The following CEP112 variants were observed in gnomAD, a reference collection of about 807,000 sequenced individuals.
CEP112 encodes the protein centrosomal protein of 112 kDa.
In CEP112, 127 loss-of-function variants were observed where a neutral mutation model predicts 153.0. That is an observed-to-expected ratio of 0.83 (90% CI 0.72 to 0.96). CEP112 has a LOEUF of 0.96. CEP112 is among the 40% of genes least tolerant of loss of function. The pLI is 0.00. For missense variants in CEP112, 1,089 were observed against 1,101.2 expected (o/e 0.99, Z 0.16); for synonymous variants, 358 against 374.4 (o/e 0.96, Z 0.51).
intron 19 of CEP112, among the ~76,000 whole-genome samples, chr17:65,922,058 G>C (rs2060750896): frequency 6.6e-6 from 1 of 152,084 alleles, no homozygotes; most frequent in Non-Finnish European, 1.5e-5. Flanking sequence ...GGTAGAATCT[G>C]CCAAAATCCT....
intron 1 of CEP112, among the ~76,000 whole-genome samples, chr17:66,190,926 C>G (rs753406195): frequency 1.3e-5 from 2 of 152,122 alleles, no homozygotes; most frequent in Non-Finnish European, 2.9e-5. Flanking sequence ...TTTGTTCAAT[C>G]AAATCATATT....
At chr17:65,922,122 A>G (rs1331272983) in intron 19 of CEP112, among the ~76,000 whole-genome samples, 1 of 152,056 alleles carries the variant, frequency 6.6e-6, no homozygotes, top group Non-Finnish European at 1.5e-5. Context: ...ATTTCACTAA[A>G]CTTTTACCGA....
chr17:66,067,458 T>C (rs2146057203), intron 9 of CEP112, among the ~76,000 whole-genome samples: 1 of 152,320 alleles, frequency 6.6e-6, no homozygotes, highest in South Asian at 2.1e-4. Context: ...TTCTTATACT[T>C]ACGATATCTA....
intron 2 of CEP112, among the ~76,000 whole-genome samples, chr17:66,178,775 T>C (rs556243267): frequency 3.9e-4 from 59 of 152,056 alleles, no homozygotes; most frequent in South Asian, 2.1e-3. Context: ...TATACGGATA[T>C]TGAAAACTTG....
At chr17:66,113,004 C>T (rs946795536) in intron 6 of CEP112, among the ~76,000 whole-genome samples, 2 of 151,404 alleles carry the variant, frequency 1.3e-5, no homozygotes, top group South Asian at 4.2e-4. Flanking sequence ...GGGAGGTAGA[C>T]GTTGCAGTGA....
chr17:65,761,062 C>G (rs554576046), intron 21 of CEP112, among the ~76,000 whole-genome samples: 2 of 151,970 alleles, frequency 1.3e-5, no homozygotes, highest in Non-Finnish European at 2.9e-5. Flanking sequence ...ATAATCCTTA[C>G]AATACTCGTG....
chr17:66,185,060 C>G (rs1266592899), intron 1 of CEP112, among the ~76,000 whole-genome samples: 7 of 152,104 alleles, frequency 4.6e-5, no homozygotes, highest in Non-Finnish European at 1.0e-4. Context: ...ATCAGCAGCT[C>G]ATGGGGATAG....
At chr17:65,739,694 C>A (rs184565932) in intron 23 of CEP112, among the ~76,000 whole-genome samples, 117 of 152,164 alleles carry the variant, frequency 7.7e-4, no homozygotes, top group Admixed American at 2.0e-3. Flanking sequence ...TGAGATCGTG[C>A]CACTGCACTC....
chr17:66,096,284 AT>A lies in CEP112; in HGVS notation c.734del (p.Asp245ValfsTer15), dbSNP rs2068341094. The A allele has an allele frequency of 6.2e-7, 1 of 1,613,262 alleles. No homozygotes were observed. The highest frequency in any genetic ancestry group is 1.1e-5 in the South Asian group (1 of 90,970). Reference protein sequence around the residue: ...FSLRKSSSFHDDHFLSRIREK... With the variant: ...FSLRKSSSFHXDHFLSRIREK... Reference sequence around the variant, plus strand: ...CACGTATTCGAGAGAGAAAATGATCATCATGGAAACTGCTGGATTTTCTCAG... The same window carrying A: ...CACGTATTCGAGAGAGAAAATGATCACATGGAAACTGCTGGATTTTCTCAG... On this transcript the variant is annotated frameshift_variant, in exon 8 of 27. Coordinates refer to ENST00000535342, the MANE Select transcript of CEP112 (RefSeq NM_001199165.4). LOFTEE classifies it high-confidence loss of function.
At chr17:65,684,113 C>T (rs1377369632) in intron 24 of CEP112, among the ~76,000 whole-genome samples, 1 of 152,106 alleles carries the variant, frequency 6.6e-6, no homozygotes, top group African/African-American at 2.4e-5. Context: ...ATACACATCC[C>T]ATTTACTCTA....
Position 66,096,582 on chromosome 17 carries a change from T to C in CEP112, c.690+3A>G. 6.3e-7 allele frequency: 1 copy of C among 1,585,948 alleles called. No homozygotes were observed. The highest frequency in any genetic ancestry group is 8.6e-7 in the Non-Finnish European group (1 of 1,158,490). On this transcript the variant is annotated splice_donor_region_variant and intron_variant, in intron 7 of 26. Coordinates refer to ENST00000535342, the MANE Select transcript of CEP112 (RefSeq NM_001199165.4). ...GAAAAAGTCCAATGGATTTCTCACA[T>C]ACCAGAGAAACTGGGATAGGCTTCT... is the stretch of plus-strand genomic sequence containing the variant.
At chr17:66,111,817 C>T (rs747538117) in intron 6 of CEP112, among the ~76,000 whole-genome samples, 6 of 151,954 alleles carry the variant, frequency 3.9e-5, no homozygotes, top group Non-Finnish European at 7.4e-5. Context: ...TTCACAGGTA[C>T]CCCCAAACCT....
At chr17:66,189,126 T>TA (rs1887379225) in intron 1 of CEP112, among the ~76,000 whole-genome samples, 1 of 152,318 alleles carries the variant, frequency 6.6e-6, no homozygotes, top group African/African-American at 2.4e-5. Context: ...AAGCTCAGAT[T>TA]AAAATTCTGA....
intron 21 of CEP112, among the ~76,000 whole-genome samples, chr17:65,843,192 A>G (rs1479103881): frequency 3.9e-5 from 6 of 152,128 alleles, no homozygotes; most frequent in Non-Finnish European, 8.8e-5. Flanking sequence ...ACACATCCTA[A>G]GTTTTCCAAG....
At chr17:65,679,047 T>C (rs890358541) in intron 24 of CEP112, among the ~76,000 whole-genome samples, 7 of 150,126 alleles carry the variant, frequency 4.7e-5, no homozygotes, top group African/African-American at 1.7e-4. Context: ...CAAAATCTAT[T>C]AGAATAACTG....
chr17:65,826,118 A>G (rs2056827004), intron 21 of CEP112: 2 of 1,611,416 alleles, frequency 1.2e-6, no homozygotes, highest in Non-Finnish European at 1.7e-6. Context: ...TCAGGAGGAC[A>G]GAGGTTGTCT....
At chr17:65,686,300 T>C (rs970171982) in intron 24 of CEP112, among the ~76,000 whole-genome samples, 4 of 152,106 alleles carry the variant, frequency 2.6e-5, no homozygotes, top group Non-Finnish European at 4.4e-5. Context: ...AAAGCTATTG[T>C]CACTACAAAG....
intron 17 of CEP112, among the ~76,000 whole-genome samples, chr17:65,990,596 C>CCT (rs2063560225): frequency 6.6e-6 from 1 of 152,224 alleles, no homozygotes; most frequent in Non-Finnish European, 1.5e-5. Context: ...CTGGCCCATG[C>CCT]CCAGAGGTGA....
intron 19 of CEP112, among the ~76,000 whole-genome samples, chr17:65,917,405 T>C (rs1404035731): frequency 6.6e-6 from 1 of 152,146 alleles, no homozygotes; most frequent in Non-Finnish European, 1.5e-5. Context: ...CAATAAGTCA[T>C]ATGGTAATCC....
Sources: allele counts gnomAD v4.1 joint callset (sites outside exome capture counted in the v4.1 genomes callset), GRCh38; gene constraint gnomAD v4.1.1; transcripts MANE v1.5; gene names NCBI Gene and HGNC (gene_info 2026-07-23, HGNC 2026-07-21).